The following IRAK2 variants were observed in gnomAD, a reference collection of about 807,000 sequenced individuals.
The protein encoded by IRAK2 is interleukin 1 receptor associated kinase 2, also known as interleukin-1 receptor-associated kinase-like 2.
In IRAK2, 57 loss-of-function variants were observed where a neutral mutation model predicts 72.0. That is an observed-to-expected ratio of 0.79 (90% CI 0.64 to 0.99). IRAK2 has a LOEUF of 0.99. Among genes scored for constraint, IRAK2 ranks in the 50% least tolerant of loss-of-function variants. The pLI is 0.00. For missense variants in IRAK2, 790 were observed against 794.4 expected (o/e 0.99, Z 0.07); for synonymous variants, 293 against 312.7 (o/e 0.94, Z 0.67).
chr3:10,206,758 G>C (rs1007609212), intron 3 of IRAK2, among the ~76,000 whole-genome samples: 6 of 152,096 alleles, frequency 3.9e-5, no homozygotes, highest in African/African-American at 7.2e-5. Context: ...GTTTCACCAT[G>C]TTGACCAGAC....
intron 2 of IRAK2, among the ~76,000 whole-genome samples, chr3:10,195,602 C>T (rs371180312): frequency 6.6e-6 from 1 of 152,008 alleles, no homozygotes; most frequent in African/African-American, 2.4e-5. Flanking sequence ...GTAAGTATCA[C>T]CCTCATCCCC....
intron 1 of IRAK2, among the ~76,000 whole-genome samples, chr3:10,177,240 A>G (rs11465860): frequency 3.9e-5 from 6 of 152,106 alleles, no homozygotes; most frequent in African/African-American, 1.2e-4. Context: ...GGCCTCATAC[A>G]CTTGTTGAGT....
chr3:10,175,890 C>CAA (rs59718922), intron 1 of IRAK2, among the ~76,000 whole-genome samples: 1,525 of 53,054 alleles, frequency 0.029, 74 homozygotes, highest in South Asian at 0.044. Flanking sequence ...GACTCCGTCT[C>CAA]AAAAAAAAAA....
intron 8 of IRAK2, among the ~76,000 whole-genome samples, chr3:10,220,046 G>A (rs1363360488): frequency 6.6e-6 from 1 of 152,198 alleles, no homozygotes; most frequent in Non-Finnish European, 1.5e-5. Flanking sequence ...CTGAGCTGCT[G>A]TTTTCCCAAC....
intron 2 of IRAK2, among the ~76,000 whole-genome samples, chr3:10,181,412 C>T (rs1240371498): frequency 6.6e-6 from 1 of 152,034 alleles, no homozygotes; most frequent in Non-Finnish European, 1.5e-5. Context: ...GAGTTTGAAA[C>T]CAGTCAGACC....
chr3:10,169,412 C>A (rs1466041526), intron 1 of IRAK2, among the ~76,000 whole-genome samples: 4 of 152,136 alleles, frequency 2.6e-5, no homozygotes, highest in Non-Finnish European at 2.9e-5. Flanking sequence ...AGACAGACAC[C>A]CCCAGAGTGG....
At chr3:10,229,080 C>T (rs551481502) in intron 10 of IRAK2, among the ~76,000 whole-genome samples, 5 of 151,958 alleles carry the variant, frequency 3.3e-5, no homozygotes, top group East Asian at 1.9e-4. Flanking sequence ...ACTACAGGTG[C>T]GCATCACCAC....
chr3:10,178,154 T>C, intron 2 of IRAK2, 134 bp downstream of exon 2: 1 of 751,800 alleles, frequency 1.3e-6, no homozygotes, highest in Non-Finnish European at 2.1e-6. Flanking sequence ...GAGTTTACCA[T>C]GCACATAAGA....
At chr3:10,186,627 T>C (rs1367586481) in intron 2 of IRAK2, among the ~76,000 whole-genome samples, 1 of 151,512 alleles carries the variant, frequency 6.6e-6, no homozygotes, top group Non-Finnish European at 1.5e-5. Flanking sequence ...GGGTCAGTAG[T>C]AGAACTCAGA....
At position 10,237,320 on chromosome 3, in the gene IRAK2, C is replaced by T. The variant is rs546471793; in HGVS notation, c.1474-1428C>T. ...AAGAAGAGGTAGGAGATGGCCTTAG[C>T]TCTTAGTACATCACAACCAAGCTGG... On this transcript the variant is annotated intron_variant, in intron 11 of 12. Transcript: ENST00000256458. Among the ~76,000 whole-genome samples the T allele has an allele frequency of 1.6e-4, 24 of 152,232 alleles. 1 individual carries two copies. The highest frequency in any genetic ancestry group is 1.2e-3 in the Admixed American group (19 of 15,280).
chr3:10,203,925 G>A (rs962415204), intron 3 of IRAK2, among the ~76,000 whole-genome samples: 2 of 152,196 alleles, frequency 1.3e-5, no homozygotes, highest in African/African-American at 4.8e-5. Context: ...CCTGGCTGAG[G>A]AGGAAAATAT....
Position 10,213,233 on chromosome 3 carries a change from G to A in IRAK2, c.555G>A (p.Gln185=), listed in dbSNP as rs200262655. The change falls in exon 5 of 13, where the codon CAG becomes CAA. Residue 185 remains glutamine, a synonymous_variant. Transcript: ENST00000256458. The part of the protein sequence containing the change: ...SKDFSTSIPK[Q]EKLLSLAGDS... ...ACTTCAGCACCTCCATTCCTAAGCAGGAAAAACTTTTGAGCTTGGCTGGAG... is the reference window on the plus strand; with the variant it reads ...ACTTCAGCACCTCCATTCCTAAGCAAGAAAAACTTTTGAGCTTGGCTGGAG... The A allele has an allele frequency of 4.6e-5, 75 of 1,614,124 alleles. 1 individual carries two copies. The East Asian group carries it at 1.5e-3, about 33-fold the overall frequency.
intron 2 of IRAK2, among the ~76,000 whole-genome samples, chr3:10,197,980 A>G (rs936505720): frequency 6.6e-6 from 1 of 151,704 alleles, no homozygotes; most frequent in African/African-American, 2.4e-5. Context: ...AGGGCGGATC[A>G]TGACGTCAGG....
intron 1 of IRAK2, among the ~76,000 whole-genome samples, chr3:10,173,528 G>C (rs1253766086): frequency 6.6e-6 from 1 of 152,120 alleles, no homozygotes; most frequent in East Asian, 1.9e-4. Flanking sequence ...CGACTCTAAA[G>C]GGTCTGGTTG....
chr3:10,165,727 T>TC (rs1489752041), intron 1 of IRAK2, among the ~76,000 whole-genome samples: 3 of 117,288 alleles, frequency 2.6e-5, no homozygotes, highest in African/African-American at 4.5e-5. Flanking sequence ...AACTATTTTT[T>TC]TTTTTTTTTT....
chr3:10,231,673 T>A (rs1697863363), intron 10 of IRAK2, among the ~76,000 whole-genome samples: 1 of 152,100 alleles, frequency 6.6e-6, no homozygotes, highest in Admixed American at 6.6e-5. Flanking sequence ...GTTTGTTTTT[T>A]TCATTTTTAA....
intron 1 of IRAK2, among the ~76,000 whole-genome samples, chr3:10,169,339 C>T (rs1696754696): frequency 6.6e-6 from 1 of 152,188 alleles, no homozygotes; most frequent in Non-Finnish European, 1.5e-5. Context: ...TTTCCCAATC[C>T]TAGTAAGCCT....
Position 10,226,421 on chromosome 3 carries a change from C to T in IRAK2, c.1260C>T (p.Ser420=), listed in dbSNP as rs917453583. Residue 420 remains serine, a synonymous_variant, in exon 10 of 13, where the codon AGC becomes AGT. Transcript: ENST00000256458. Reference sequence around the variant, plus strand: ...TCCCTGCAATGGATAACAACCGAAGCCCGGTTTACCTGGTAAGGGAACTTG... The same window carrying T: ...TCCCTGCAATGGATAACAACCGAAGTCCGGTTTACCTGGTAAGGGAACTTG... ...TGIPAMDNNR[S]PVYLKDLLLS... is the part of the protein sequence containing the mutation. 3.1e-6 allele frequency: 5 copies of T among 1,613,044 alleles called. No individual in the cohort carries two copies. The highest frequency in any genetic ancestry group is 3.3e-4 in the Middle Eastern group (2 of 6,072).
chr3:10,179,435 C>T (rs946888265), intron 2 of IRAK2, among the ~76,000 whole-genome samples: 1 of 135,786 alleles, frequency 7.4e-6, no homozygotes, highest in Non-Finnish European at 1.7e-5. Flanking sequence ...CCACATCCAG[C>T]TAATTTTTTT....
Sources: gnomAD v4.1 joint callset for allele counts (sites outside exome capture counted in the v4.1 genomes callset) on GRCh38, gnomAD v4.1.1 for gene constraint, MANE v1.5 for transcripts, NCBI Gene and HGNC (gene_info 2026-07-23, HGNC 2026-07-21) for gene names.